CHST9: variants seen among roughly 807,000 people sequenced by gnomAD.
The protein encoded by CHST9 is carbohydrate sulfotransferase 9.
Under a neutral mutation model 44.4 loss-of-function variants are expected in CHST9, and 41 were observed. The ratio of observed to expected loss-of-function variants is 0.92; its 90% confidence interval spans 0.72 to 1.20. The LOEUF is 1.20. Ranked by LOEUF, CHST9 falls within the 50% of genes most tolerant of loss-of-function variation. The pLI is 0.00. For missense variants in CHST9, 504 were observed against 516.5 expected, an observed-to-expected ratio of 0.98 and a Z score of 0.23; for synonymous variants, 171 against 178.4, an observed-to-expected ratio of 0.96 and a Z score of 0.33.
intron 4 of CHST9, among the ~76,000 whole-genome samples, chr18:26,970,965 G>C (rs1489809648): frequency 6.6e-6 from 1 of 151,992 alleles, no homozygotes; most frequent in East Asian, 1.9e-4. Flanking sequence ...CTCTATTTTT[G>C]CTTGTCTATG....
chr18:27,072,347 C>A lies in CHST9; in HGVS notation c.122-23844G>T, dbSNP rs193280863. On this transcript the variant is annotated intron_variant, in intron 2 of 5. Transcript: ENST00000618847. ...ATTTCCCTCACTTCAGGATGCTGTA[C>A]AACCAGGGTTGTCAGCAACAATTTC... Among the ~76,000 whole-genome samples the A allele has an allele frequency of 1.3e-3, 191 of 152,178 alleles. 1 individual carries two copies. Among genetic ancestry groups the A allele is most frequent in the African/African-American group, 4.5e-3 (186 of 41,518 alleles).
intron 4 of CHST9, among the ~76,000 whole-genome samples, chr18:27,005,432 C>T (rs937191034): frequency 6.6e-6 from 1 of 152,062 alleles, no homozygotes; most frequent in African/African-American, 2.4e-5. Flanking sequence ...TCACAATGAC[C>T]TTTAAATAGA....
At chr18:27,064,701 G>A (rs769076816) in intron 2 of CHST9, among the ~76,000 whole-genome samples, 2 of 145,046 alleles carry the variant, frequency 1.4e-5, no homozygotes, top group Admixed American at 6.8e-5. Flanking sequence ...GTGATGATAC[G>A]CTCTTTTGTT....
chr18:26,926,196 C>G (rs232328), intron 5 of CHST9, among the ~76,000 whole-genome samples: 1 of 151,980 alleles, frequency 6.6e-6, no homozygotes, highest in Non-Finnish European at 1.5e-5. Flanking sequence ...TCAACACAAA[C>G]CAGCTGTTTC....
chr18:26,913,204 G>A lies in CHST9; in HGVS notation c.*3055C>T, dbSNP rs2055465802. ...AATAATACATCAATAAAATGTAAAA[G>A]TATTTTTCCTCTTTCTAATTAAAAA... On this transcript the variant is annotated 3_prime_UTR_variant, in exon 6 of 6. Transcript: ENST00000618847. The A allele has an allele frequency of 6.6e-6, 1 of 152,096 alleles. No homozygotes were observed. Among genetic ancestry groups the A allele is most frequent in the Non-Finnish European group, 1.5e-5 (1 of 68,012 alleles). The allele number at this position is 152,096 out of a possible 1,614,324, so 9.4% of individuals were successfully genotyped here. A position where few individuals can be genotyped will look rare whatever the true frequency, so the allele number is the denominator to read the frequency against.
rs1016810240 is a variant in CHST9, at chr18:26,913,246, C to G, written c.*3013G>C. The G allele has an allele frequency of 6.6e-6, 1 of 152,064 alleles. No homozygotes were observed. Among genetic ancestry groups the G allele is most frequent in the African/African-American group, 2.4e-5 (1 of 41,396 alleles). 9.4% of individuals were successfully genotyped at this position (152,064 alleles called of 1,614,324 possible). On this transcript the variant is annotated 3_prime_UTR_variant, in exon 6 of 6. Coordinates refer to ENST00000618847, the MANE Select transcript of CHST9 (RefSeq NM_031422.6). ...AATTAAAAATGACATACAAGTAGTTCTTGAATTAGAACTACTAATTCCCTA... is the reference window on the plus strand; with the variant it reads ...AATTAAAAATGACATACAAGTAGTTGTTGAATTAGAACTACTAATTCCCTA...
intron 4 of CHST9, among the ~76,000 whole-genome samples, chr18:26,946,170 G>A (rs904779046): frequency 2.6e-5 from 4 of 152,200 alleles, no homozygotes; most frequent in Non-Finnish European, 5.9e-5. Flanking sequence ...TATATGCGGA[G>A]TGTTTAAAGA....
intron 4 of CHST9, among the ~76,000 whole-genome samples, chr18:26,951,448 AT>A (rs1453144773): frequency 6.6e-6 from 1 of 152,216 alleles, no homozygotes; most frequent in East Asian, 1.9e-4. Flanking sequence ...ATGATTCTGC[AT>A]TTCAGAAAAA....
chr18:27,179,021 C>T (rs2058889818), intron 1 of CHST9, among the ~76,000 whole-genome samples: 2 of 151,438 alleles, frequency 1.3e-5, no homozygotes, highest in African/African-American at 4.9e-5. Context: ...TACATATATG[C>T]TTTCATAAAT....
At chr18:26,999,497 A>G (rs1389622106) in intron 4 of CHST9, among the ~76,000 whole-genome samples, 1 of 152,178 alleles carries the variant, frequency 6.6e-6, no homozygotes, top group Admixed American at 6.5e-5. Flanking sequence ...TTTTTAGTCC[A>G]TATCATTGAT....
chr18:27,138,885 A>G (rs1424283845), intron 2 of CHST9, among the ~76,000 whole-genome samples: 1 of 149,674 alleles, frequency 6.7e-6, no homozygotes. Context: ...AACAACTACG[A>G]AAAAAAAAAC....
At position 27,048,424 on chromosome 18, in the gene CHST9, A is replaced by G. The variant is rs756851399; in HGVS notation, c.160+41T>C. On this transcript the variant is annotated intron_variant, in intron 3 of 5. Coordinates refer to ENST00000618847, the MANE Select transcript of CHST9 (RefSeq NM_031422.6). ...TTAAAAAATTTAAAGGTGGAAATAA[A>G]ATCAGGAAATAAAGCTGGAGCCCAT... 10 of 1,531,968 alleles carry G rather than the reference A, an allele frequency of 6.5e-6. No homozygotes were observed. In the African/African-American group the frequency reaches 1.4e-4, roughly 21 times the overall value. The allele number at this position is 1,531,968 out of a possible 1,614,324, so 94.9% of individuals were successfully genotyped here.
At chr18:26,987,914 C>T (rs2145202666) in intron 4 of CHST9, among the ~76,000 whole-genome samples, 1 of 152,268 alleles carries the variant, frequency 6.6e-6, no homozygotes, top group East Asian at 1.9e-4. Context: ...GATTTCCCAG[C>T]CTCTAGAACT....
chr18:27,008,083 A>T (rs1260261673), intron 4 of CHST9, among the ~76,000 whole-genome samples: 3 of 152,182 alleles, frequency 2.0e-5, no homozygotes, highest in African/African-American at 7.2e-5. Context: ...CCCACAGCAT[A>T]GGAGGGACGA....
intron 2 of CHST9, among the ~76,000 whole-genome samples, chr18:27,061,272 T>C (rs868502648): frequency 6.6e-6 from 1 of 152,204 alleles, no homozygotes; most frequent in African/African-American, 2.4e-5. Flanking sequence ...TTAACCTTTT[T>C]GGGTATAAGT....
At chr18:26,983,642 G>A (rs2056720369) in intron 4 of CHST9, among the ~76,000 whole-genome samples, 1 of 152,164 alleles carries the variant, frequency 6.6e-6, no homozygotes, top group Admixed American at 6.5e-5. Context: ...AGCAATGCAA[G>A]AATGGCCTAA....
At chr18:27,029,535 T>C (rs1343450064) in intron 3 of CHST9, among the ~76,000 whole-genome samples, 1 of 152,164 alleles carries the variant, frequency 6.6e-6, no homozygotes, top group Non-Finnish European at 1.5e-5. Flanking sequence ...TCTCTTGGTA[T>C]CTGTGGCAGA....
At chr18:26,925,239 T>C (rs192667872) in intron 5 of CHST9, among the ~76,000 whole-genome samples, 3 of 152,310 alleles carry the variant, frequency 2.0e-5, no homozygotes, top group East Asian at 3.9e-4. Flanking sequence ...TTCCATTTCC[T>C]GTCTCTGTGA....
chr18:27,145,984 AAT>A (rs1336674904), intron 1 of CHST9, among the ~76,000 whole-genome samples: 22 of 152,194 alleles, frequency 1.4e-4, no homozygotes, highest in Non-Finnish European at 5.9e-5. Context: ...CTAACAAAGA[AAT>A]AGTTGTTTAC....
Sources: gnomAD v4.1 joint callset for allele counts (sites outside exome capture counted in the v4.1 genomes callset) on GRCh38, gnomAD v4.1.1 for gene constraint, MANE v1.5 for transcripts, NCBI Gene and HGNC (gene_info 2026-07-23, HGNC 2026-07-21) for gene names.